CYP2J2: variants seen among roughly 807,000 people sequenced by gnomAD.
The protein encoded by CYP2J2 is cytochrome P450 2J2.
CYP2J2 carries 41 observed loss-of-function variants against 48.8 expected under a neutral mutation model. That is an observed-to-expected ratio of 0.84 (90% CI 0.66 to 1.09). CYP2J2 has a LOEUF of 1.09. CYP2J2 is among the 50% of genes least tolerant of loss of function. The pLI, the probability that CYP2J2 is intolerant of heterozygous loss-of-function variation, is 0.00. For missense variants in CYP2J2, 644 were observed against 617.3 expected (o/e 1.04, Z -0.46); for synonymous variants, 221 against 227.1 (o/e 0.97, Z 0.24).
At position 59,893,630 on chromosome 1, in the gene CYP2J2, C is replaced by T. The variant is rs776582105; in HGVS notation, c.*21G>A. 5 of 1,557,210 alleles carry T rather than the reference C, an allele frequency of 3.2e-6. No individual in the cohort carries two copies. In the East Asian group the frequency reaches 9.2e-5, roughly 29 times the overall value. On this transcript the variant is annotated 3_prime_UTR_variant, in exon 9 of 9. Coordinates refer to ENST00000371204, the MANE Select transcript of CYP2J2 (RefSeq NM_000775.4). Reference sequence around the variant, plus strand: ...GTGCCATGTCTTCTTACTTTCCTTGCCCCTTTCTTTCTTAACAATATTACA... The same window carrying T: ...GTGCCATGTCTTCTTACTTTCCTTGTCCCTTTCTTTCTTAACAATATTACA...
chr1:59,924,355 TG>T (rs1644544549), intron 1 of CYP2J2, among the ~76,000 whole-genome samples: 1 of 151,958 alleles, frequency 6.6e-6, no homozygotes, highest in African/African-American at 2.4e-5. Context: ...ACATCAGAAA[TG>T]AAAAAAGATA....
chr1:59,938,802 G>C, the CYP2J2 span, among the ~76,000 whole-genome samples: 6 of 152,174 alleles, frequency 3.9e-5, no homozygotes, highest in Non-Finnish European at 8.8e-5. Flanking sequence ...ACTATCACAT[G>C]GGGATAAACC....
chr1:59,917,817 G>A (rs1172452086), intron 1 of CYP2J2, among the ~76,000 whole-genome samples: 1 of 152,172 alleles, frequency 6.6e-6, no homozygotes, highest in African/African-American at 2.4e-5. Flanking sequence ...CTAGCTGCAG[G>A]CAGTGGTAAC....
the CYP2J2 span, among the ~76,000 whole-genome samples, chr1:59,934,989 GATATATATAT>G: frequency 6.9e-5 from 4 of 58,390 alleles, no homozygotes; most frequent in East Asian, 6.8e-4. Flanking sequence ...AAGAAAATGG[GATATATATAT>G]ATATATATAT....
At chr1:59,909,014 C>A (rs756638352) in intron 5 of CYP2J2, among the ~76,000 whole-genome samples, 16 of 152,150 alleles carry the variant, frequency 1.1e-4, no homozygotes, top group Non-Finnish European at 2.1e-4. Flanking sequence ...TAGAACAGAG[C>A]TTTGAGGATT....
At chr1:59,913,978 T>C (rs2102127362) in intron 2 of CYP2J2, among the ~76,000 whole-genome samples, 1 of 152,368 alleles carries the variant, frequency 6.6e-6, no homozygotes, top group East Asian at 1.9e-4. Context: ...ATGCTTGTCA[T>C]GTTGGCCACC....
chr1:59,918,791 T>A (rs1200208591), intron 1 of CYP2J2, among the ~76,000 whole-genome samples: 1 of 151,226 alleles, frequency 6.6e-6, no homozygotes, highest in Non-Finnish European at 1.5e-5. Context: ...TGAAACAGAA[T>A]CTATAAAAGT....
the CYP2J2 span, among the ~76,000 whole-genome samples, chr1:59,944,371 C>T: frequency 1.3e-5 from 2 of 152,122 alleles, no homozygotes; most frequent in African/African-American, 2.4e-5. Context: ...TACAGGCATG[C>T]GCCACCACGG....
At chr1:59,923,001 A>G (rs904211474) in intron 1 of CYP2J2, among the ~76,000 whole-genome samples, 11 of 152,228 alleles carry the variant, frequency 7.2e-5, no homozygotes, top group African/African-American at 2.4e-4. Flanking sequence ...CCTAAGCTGA[A>G]GTAAAGAAAC....
At chr1:59,967,907 AACAG>A in the CYP2J2 span, among the ~76,000 whole-genome samples, 5 of 152,188 alleles carry the variant, frequency 3.3e-5, no homozygotes, top group African/African-American at 9.7e-5. Flanking sequence ...ACTATATATA[AACAG>A]ACAAACAGCT....
At position 59,907,872 on chromosome 1, in the gene CYP2J2, A is replaced by G; in HGVS notation, c.917T>C (p.Leu306Pro). 2 of 1,614,076 alleles carry G rather than the reference A, an allele frequency of 1.2e-6. No homozygotes were observed. Among genetic ancestry groups the G allele is most frequent in the South Asian group, 2.2e-5 (2 of 91,082 alleles). Residue 306 changes from leucine (L) to proline (P), a missense_variant, in exon 6 of 9, where the codon CTG becomes CCG. By Grantham distance (98) the Leu-to-Pro change is moderately conservative. Coordinates refer to ENST00000371204, the MANE Select transcript of CYP2J2 (RefSeq NM_000775.4). Reference protein sequence around the residue: ...FHEENLICSTLDLFFAGTETT... With the variant: ...FHEENLICSTPDLFFAGTETT... ...CTCGGTTCCGGCAAAGAAGAGGTCC[A>G]GGGTGCTGCAGATGAGGTTTTCTTC...
chr1:59,955,010 C>CCT, the CYP2J2 span, among the ~76,000 whole-genome samples: 1 of 151,564 alleles, frequency 6.6e-6, no homozygotes. Context: ...TGGTGACATG[C>CCT]ACCTGTAGTC....
intron 1 of CYP2J2, among the ~76,000 whole-genome samples, chr1:59,919,883 C>T (rs1174643690): frequency 6.6e-6 from 1 of 152,030 alleles, no homozygotes; most frequent in Non-Finnish European, 1.5e-5. Flanking sequence ...TTATGAGATG[C>T]TTAAGAGTTG....
chr1:59,943,394 C>T, the CYP2J2 span, among the ~76,000 whole-genome samples: 1 of 152,150 alleles, frequency 6.6e-6, no homozygotes. Context: ...TCGTCCTCAC[C>T]CCTGGTGATT....
chr1:59,912,887 C>T (rs185126437), intron 2 of CYP2J2: 1 of 152,146 alleles, frequency 6.6e-6, no homozygotes, highest in East Asian at 1.9e-4. Flanking sequence ...ATCAAGAGAT[C>T]AAGGAGGAGT....
the CYP2J2 span, among the ~76,000 whole-genome samples, chr1:59,947,459 T>C: frequency 1.3e-5 from 2 of 152,186 alleles, no homozygotes; most frequent in East Asian, 3.9e-4. Context: ...AGGTGAAATC[T>C]GACGTTCTCA....
At chr1:59,958,319 TCA>T in the CYP2J2 span, among the ~76,000 whole-genome samples, 1 of 152,180 alleles carries the variant, frequency 6.6e-6, no homozygotes. Context: ...CCTTTGGAAT[TCA>T]CAGTTTATTA....
intron 5 of CYP2J2, among the ~76,000 whole-genome samples, chr1:59,909,224 G>A (rs1011852471): frequency 6.6e-6 from 1 of 152,054 alleles, no homozygotes; most frequent in Admixed American, 6.6e-5. Flanking sequence ...TTTTACTCCT[G>A]TAGCAGGCTG....
the CYP2J2 span, among the ~76,000 whole-genome samples, chr1:59,943,472 T>C: frequency 2.0e-5 from 3 of 152,178 alleles, no homozygotes; most frequent in Non-Finnish European, 2.9e-5. Context: ...GAATATGTTG[T>C]TGGGGCAATG....
Sources: gnomAD v4.1 joint callset for allele counts (sites outside exome capture counted in the v4.1 genomes callset) on GRCh38, gnomAD v4.1.1 for gene constraint, MANE v1.5 for transcripts, NCBI Gene and HGNC (gene_info 2026-07-23, HGNC 2026-07-21) for gene names.